MED13: variants seen among roughly 807,000 people sequenced by gnomAD.
MED13 encodes the protein mediator complex subunit 13, also known as mediator of RNA polymerase II transcription subunit 13.
MED13 carries 23 observed loss-of-function variants against 225.2 expected under a neutral mutation model. That is an observed-to-expected ratio of 0.10 (90% confidence interval 0.07 to 0.14). The LOEUF (loss-of-function observed/expected upper bound fraction) is 0.14. MED13 is among the 10% of genes least tolerant of loss of function. The pLI is 1.00. For missense variants in MED13, 2,197 were observed against 2,594.5 expected (o/e 0.85, Z 3.33); for synonymous variants, 942 against 889.2 (o/e 1.06, Z -1.06).
chr17:62,010,505 T>C, intron 9 of MED13, 45 bp downstream of exon 9: 1 of 1,281,272 alleles, frequency 7.8e-7, no homozygotes. Flanking sequence ...CTTGCATCAC[T>C]TCCACCCTTA....
rs1491124278 is a variant in MED13, at chr17:61,990,650, T to TATATATATATATATAC, written c.2263+1889_2263+1890insGTATATATATATATAT. Among the ~76,000 whole-genome samples, 359 of 141,108 alleles carry TATATATATATATATAC rather than the reference T, an allele frequency of 2.5e-3. 3 individuals are homozygous for TATATATATATATATAC. The highest frequency in any genetic ancestry group is 9.1e-3 in the African/African-American group (337 of 37,170). 92.6% of individuals were successfully genotyped at this position (141,108 alleles called of 152,430 possible). A position where few individuals can be genotyped will look rare whatever the true frequency, so the allele number is the denominator to read the frequency against. ...GTGTATATATATATATATATATATA[T>TATATATATATATATAC]ACACACTCCCCCCCAAAACATCATG... On this transcript the variant is annotated intron_variant, in intron 11 of 29. Coordinates refer to ENST00000397786, the MANE Select transcript of MED13 (RefSeq NM_005121.3).
intron 6 of MED13, 60 bp downstream of exon 6, chr17:62,031,384 G>C: frequency 7.8e-7 from 1 of 1,289,656 alleles, no homozygotes; most frequent in Admixed American, 2.6e-5. Flanking sequence ...TATTTCTTAA[G>C]TACTTACTGT....
At chr17:62,051,888 A>C (rs1035292823) in intron 3 of MED13, among the ~76,000 whole-genome samples, 2 of 152,212 alleles carry the variant, frequency 1.3e-5, no homozygotes, top group African/African-American at 4.8e-5. Context: ...ACTATGCCTT[A>C]TATTATCTAA....
chr17:62,019,625 C>T (rs1190735036), intron 8 of MED13, among the ~76,000 whole-genome samples: 2 of 152,148 alleles, frequency 1.3e-5, no homozygotes, highest in African/African-American at 2.4e-5. Context: ...TTAACTGGGG[C>T]TACATACTAA....
intron 1 of MED13, 49 bp downstream of exon 1, chr17:62,065,091 C>G (rs766363159): frequency 1.8e-5 from 26 of 1,484,772 alleles, no homozygotes; most frequent in Admixed American, 2.1e-5. Context: ...GGCCCAAGGG[C>G]GCACCTCGCG....
intron 23 of MED13, among the ~76,000 whole-genome samples, 152 bp downstream of exon 23, chr17:61,960,713 AAC>A (rs964121581): frequency 2.0e-5 from 3 of 152,122 alleles, no homozygotes; most frequent in African/African-American, 7.2e-5. Context: ...ATACAATATA[AAC>A]ATTCACTAAA....
chr17:62,038,865 G>A (rs1021208178), intron 3 of MED13, among the ~76,000 whole-genome samples: 9 of 151,952 alleles, frequency 5.9e-5, no homozygotes, highest in Non-Finnish European at 7.4e-5. Context: ...CAGGGGCGGG[G>A]GGGCTCACTA....
rs1645404358 is a variant in MED13 at position 62,031,624 on chromosome 17, T to C, written c.829A>G (p.Ile277Val). ...VEVLVAGVRM[I>V]YPACFVLVPQ... is the part of the protein sequence containing the mutation. ...ACTAGAACAAAGCATGCTGGGTAGA[T>C]CATTCGGACACCAGCTGAAAGGAAA... Residue 277 changes from isoleucine (I) to valine (V), a missense_variant, in exon 6 of 30, where the codon ATC becomes GTC. By Grantham distance (29) the Ile-to-Val change is conservative. Transcript: ENST00000397786. The C allele has an allele frequency of 1.3e-6, 2 of 1,579,162 alleles. No homozygotes were observed. Among genetic ancestry groups the C allele is most frequent in the African/African-American group, 1.4e-5 (1 of 73,800 alleles).
intron 16 of MED13, among the ~76,000 whole-genome samples, chr17:61,976,848 C>T (rs1435830849): frequency 3.3e-5 from 5 of 152,134 alleles, no homozygotes; most frequent in South Asian, 2.1e-4. Context: ...AGGAGAATGG[C>T]GTGATCCCGG....
intron 1 of MED13, among the ~76,000 whole-genome samples, chr17:62,064,553 T>C (rs926477205): frequency 2.0e-5 from 3 of 152,190 alleles, no homozygotes; most frequent in Non-Finnish European, 2.9e-5. Flanking sequence ...AATGGCAAAC[T>C]GTTTTCAAAG....
At chr17:61,979,983 G>A (rs756553896) in intron 16 of MED13, among the ~76,000 whole-genome samples, 18 of 152,176 alleles carry the variant, frequency 1.2e-4, no homozygotes, top group Non-Finnish European at 2.5e-4. Flanking sequence ...GAGCTCAGGA[G>A]TTCGAGACCA....
In MED13 at chr17:62,027,869, C is replaced by A. The variant is rs143870875; in HGVS notation, c.1283+1672G>T. Among the ~76,000 whole-genome samples, 241 of 152,244 alleles carry A rather than the reference C, an allele frequency of 1.6e-3. 5 individuals carry two copies. In the East Asian group the frequency reaches 0.039, roughly 25 times the overall value. ...GCAAATCAAAACCATAATGAGATAA[C>A]ATCTCACACCAGTCAGAATGGCTAT... On this transcript the variant is annotated intron_variant, in intron 8 of 29. Coordinates refer to ENST00000397786, the MANE Select transcript of MED13 (RefSeq NM_005121.3).
chr17:61,967,490 G>A (rs765288065), intron 18 of MED13, among the ~76,000 whole-genome samples: 1 of 152,074 alleles, frequency 6.6e-6, no homozygotes, highest in Admixed American at 6.6e-5. Flanking sequence ...AAGCCTTTGT[G>A]GAAAAAGGAG....
chr17:62,028,375 G>C (rs2080722280), intron 8 of MED13, among the ~76,000 whole-genome samples: 1 of 152,120 alleles, frequency 6.6e-6, no homozygotes, highest in Non-Finnish European at 1.5e-5. Context: ...GGGTCCAACA[G>C]ACACTGGGGT....
intron 8 of MED13, among the ~76,000 whole-genome samples, chr17:62,024,137 C>A (rs1315740588): frequency 6.6e-6 from 1 of 152,094 alleles, no homozygotes; most frequent in Non-Finnish European, 1.5e-5. Context: ...CCTGCCTCAG[C>A]CTCCTGAGTA....
chr17:61,978,245 TTTTTA>T (rs758563014), intron 16 of MED13, among the ~76,000 whole-genome samples: 6 of 151,478 alleles, frequency 4.0e-5, no homozygotes, highest in Non-Finnish European at 7.4e-5. Context: ...CCAAAACTGC[TTTTTA>T]TTTTTTTTAT....
At chr17:61,979,244 T>C (rs1429601624) in intron 16 of MED13, among the ~76,000 whole-genome samples, 4 of 152,208 alleles carry the variant, frequency 2.6e-5, no homozygotes, top group Admixed American at 2.6e-4. Context: ...TACATAACTG[T>C]AATTCATTTT....
Position 62,039,586 on chromosome 17 carries a change from G to GT in MED13, c.471-3979_471-3978insA, listed in dbSNP as rs1567995431. Among the ~76,000 whole-genome samples, 11 of 129,952 alleles carry GT rather than the reference G, an allele frequency of 8.5e-5. 1 individual carries two copies. Among genetic ancestry groups the GT allele is most frequent in the South Asian group, 2.6e-4 (1 of 3,790 alleles). 85.3% of individuals were successfully genotyped at this position (129,952 alleles called of 152,430 possible). On this transcript the variant is annotated intron_variant, in intron 3 of 29. Coordinates refer to ENST00000397786, the MANE Select transcript of MED13 (RefSeq NM_005121.3). ...GGCATGAACCACCGCACCCAGCCAA[G>GT]ATTTTTTTTTTTTTTTTTTTTTTTG... is the stretch of plus-strand genomic sequence containing the variant.
At chr17:61,975,416 C>T (rs2080145940) in intron 16 of MED13, among the ~76,000 whole-genome samples, 3 of 152,130 alleles carry the variant, frequency 2.0e-5, no homozygotes, top group Admixed American at 6.5e-5. Context: ...CTACTTCACA[C>T]AAAGTATCAC....
Sources: allele counts gnomAD v4.1 joint callset (sites outside exome capture counted in the v4.1 genomes callset), GRCh38; gene constraint gnomAD v4.1.1; transcripts MANE v1.5; gene names NCBI Gene and HGNC (gene_info 2026-07-23, HGNC 2026-07-21).